CHST12: variants seen among roughly 807,000 people sequenced by gnomAD.
The protein encoded by CHST12 is carbohydrate (chondroitin 4) sulfotransferase 12.
In CHST12, 23 loss-of-function variants were observed where a neutral mutation model predicts 27.9. The observed-to-expected ratio is 0.82, with a 90% CI of 0.59 to 1.17. The LOEUF is 1.17. Among genes scored for constraint, CHST12 ranks in the 50% most tolerant of loss-of-function variants. The pLI is 0.00. For synonymous variants in CHST12, 322 were observed against 273.0 expected (o/e 1.18, Z -1.77); for missense variants, 682 against 603.0 (o/e 1.13, Z -1.37).
chr7:2,411,161 C>T (rs1245291444), intron 1 of CHST12, among the ~76,000 whole-genome samples: 1 of 152,104 alleles, frequency 6.6e-6, no homozygotes, highest in African/African-American at 2.4e-5. Flanking sequence ...TAGTTCACTG[C>T]AGCCTCAGCC....
Position 2,432,863 on chromosome 7 carries a change from G to A in CHST12, c.224G>A (p.Ser75Asn). The A allele has an allele frequency of 6.2e-7, 1 of 1,613,818 alleles. No individual in the cohort carries two copies. The highest frequency in any genetic ancestry group is 1.1e-5 in the South Asian group (1 of 91,088). Residue 75 changes from serine to asparagine, a missense_variant, in exon 2 of 2, where the codon AGT (serine) becomes AAT (asparagine). Physicochemically the swap from Ser to Asn is conservative, Grantham distance 46. Transcript: ENST00000618655. ...DVDEFLDKFL[S>N]AGVKQSDLPR... ...GACGAGTTTCTGGACAAGTTTCTCA[G>A]TGCTGGCGTGAAGCAGAGCGACCTT... is the stretch of plus-strand genomic sequence containing the variant.
chr7:2,418,890 G>T (rs1471875007), intron 1 of CHST12, among the ~76,000 whole-genome samples: 1 of 152,140 alleles, frequency 6.6e-6, no homozygotes, highest in Non-Finnish European at 1.5e-5. Flanking sequence ...TTGACCTCCT[G>T]GGTTCAAGCC....
rs369708294 is a variant in CHST12, at chr7:2,433,577, A to G, written c.938A>G (p.Glu313Gly). 7.4e-5 allele frequency: 119 copies of G among 1,613,462 alleles called. 1 individual carries two copies. In the Admixed American group the frequency reaches 9.3e-4, roughly 13 times the overall value. ...CAGTACCTGCTGGACCCGCACACGG[A>G]GAAGCTGGCGCCCTTCAACGAGCAC... ...FIQYLLDPHT[E>G]KLAPFNEHWR... is the part of the protein sequence containing the mutation. The change falls in exon 2 of 2, where the codon GAG (glutamate) becomes GGG (glycine). Residue 313 changes from glutamate (E) to glycine (G), a missense_variant. By Grantham distance (98) the Glu-to-Gly change is moderately conservative. Transcript: ENST00000618655. This position sits in a 1 kb window ranked among gnomAD's most constrained non-coding sequence, Gnocchi z 6.1.
At position 2,408,517 on chromosome 7, in the gene CHST12, C is replaced by G. The variant is rs565002187; in HGVS notation, c.-78+4844C>G. On this transcript the variant is annotated intron_variant, in intron 1 of 1. Transcript: ENST00000618655. ...GAAGGTTAGAACATGTGGAAAAAGG[C>G]AGAAGAACTAACTACAATTAAAATG... is the stretch of plus-strand genomic sequence containing the variant. 2.6e-5 allele frequency among the ~76,000 whole-genome samples: 4 copies of G among 152,180 alleles called. No individual in the cohort carries two copies. The South Asian group carries it at 8.3e-4, about 32-fold the overall frequency.
intron 1 of CHST12, among the ~76,000 whole-genome samples, chr7:2,428,270 C>T (rs1782185104): frequency 6.6e-6 from 1 of 151,138 alleles, no homozygotes; most frequent in African/African-American, 2.4e-5. Context: ...TCTCGGCTCA[C>T]TGCAAGCTCT....
intron 1 of CHST12, among the ~76,000 whole-genome samples, chr7:2,420,224 C>T (rs993970709): frequency 4.6e-5 from 7 of 152,118 alleles, no homozygotes; most frequent in Admixed American, 1.3e-4. Context: ...CTGCCCGCCT[C>T]GGCTTCCCAA....
intron 1 of CHST12, among the ~76,000 whole-genome samples, chr7:2,412,767 A>G (rs929590479): frequency 1.3e-5 from 2 of 152,238 alleles, no homozygotes; most frequent in African/African-American, 2.4e-5. Flanking sequence ...GTCTGTAGCT[A>G]CTTTTCCCAG....
rs891235835 is a variant in CHST12, at chr7:2,437,847, C to G, written c.*3963C>G. On this transcript the variant is annotated 3_prime_UTR_variant, in exon 2 of 2. Transcript: ENST00000618655. ...TCCAAGTTTGTTCCTGCAAACCCTC[C>G]GATGAGGCCAGCTGCATTCATCGGG... 1.3e-5 allele frequency: 2 copies of G among 152,242 alleles called. No homozygotes were observed. The highest frequency in any genetic ancestry group is 1.3e-4 in the Admixed American group (2 of 15,262). The allele number at this position is 152,242 out of a possible 1,614,324, so 9.4% of individuals were successfully genotyped here.
At chr7:2,411,289 G>C (rs919892590) in intron 1 of CHST12, among the ~76,000 whole-genome samples, 2 of 151,852 alleles carry the variant, frequency 1.3e-5, no homozygotes, top group Non-Finnish European at 2.9e-5. Context: ...GGTATGTTGC[G>C]CAAGCTGATC....
In CHST12 at chr7:2,445,616, G is replaced by A. The variant is rs892820453; in HGVS notation, c.*11732G>A. 1 of 152,264 alleles carries A rather than the reference G, an allele frequency of 6.6e-6. No individual in the cohort carries two copies. Among genetic ancestry groups the A allele is most frequent in the East Asian group, 1.9e-4 (1 of 5,186 alleles). 9.4% of individuals were successfully genotyped at this position (152,264 alleles called of 1,614,324 possible). On this transcript the variant is annotated 3_prime_UTR_variant, in exon 2 of 2. Coordinates refer to ENST00000618655, the MANE Select transcript of CHST12 (RefSeq NM_018641.5). ...CAGCTAATTTTTTGTATTTTTAGTA[G>A]AGATGGGGTTTTCCCATGTTGGCCA...
intron 1 of CHST12, 110 bp from the exon 2 acceptor site, chr7:2,432,453 G>A: frequency 3.1e-6 from 2 of 654,040 alleles, no homozygotes; most frequent in East Asian, 5.5e-5. Flanking sequence ...CTGATATCAC[G>A]TGGCCCAGCG....
At chr7:2,417,214 C>G (rs1026911590) in intron 1 of CHST12, among the ~76,000 whole-genome samples, 1 of 151,088 alleles carries the variant, frequency 6.6e-6, no homozygotes, top group African/African-American at 2.4e-5. Flanking sequence ...AGAGTTGATT[C>G]TCTTACTCTA....
rs1782428292 is a variant in CHST12 at position 2,434,624 on chromosome 7, G to A, written c.*740G>A. Reference sequence around the variant, plus strand: ...AAAAAAAAAAAAAAAAAATGAGTCGGGTGTGGTGGTGTGCACCTGTAGTCC... The same window carrying A: ...AAAAAAAAAAAAAAAAAATGAGTCGAGTGTGGTGGTGTGCACCTGTAGTCC... On this transcript the variant is annotated 3_prime_UTR_variant, in exon 2 of 2. Coordinates refer to ENST00000618655, the MANE Select transcript of CHST12 (RefSeq NM_018641.5). 8.1e-6 allele frequency: 1 copy of A among 124,188 alleles called. No homozygotes were observed. Among genetic ancestry groups the A allele is most frequent in the South Asian group, 2.4e-4 (1 of 4,110 alleles). The allele number at this position is 124,188 out of a possible 1,614,324, so 7.7% of individuals were successfully genotyped here. A position where few individuals can be genotyped will look rare whatever the true frequency, so the allele number is the denominator to read the frequency against.
At chr7:2,420,062 C>T (rs1781926383) in intron 1 of CHST12, among the ~76,000 whole-genome samples, 1 of 145,932 alleles carries the variant, frequency 6.9e-6, no homozygotes, top group Non-Finnish European at 1.5e-5. Context: ...TAAGCTCTGC[C>T]TCCCGGGTTC....
chr7:2,417,771 G>T (rs981701772), intron 1 of CHST12, among the ~76,000 whole-genome samples: 8 of 152,130 alleles, frequency 5.3e-5, no homozygotes, highest in Non-Finnish European at 1.2e-4. Context: ...CGATATCTCA[G>T]TTCACCCATT....
At chr7:2,413,723 CTTTTTTTTTTT>C (rs1198072520) in intron 1 of CHST12, among the ~76,000 whole-genome samples, 2 of 104,104 alleles carry the variant, frequency 1.9e-5, no homozygotes, top group African/African-American at 3.8e-5. Context: ...CAGGTTTTAG[CTTTTTTTTTTT>C]TTTTTTTTTT....
intron 1 of CHST12, among the ~76,000 whole-genome samples, chr7:2,432,237 C>T (rs577371691): frequency 1.4e-5 from 2 of 146,146 alleles, no homozygotes; most frequent in African/African-American, 5.0e-5. Flanking sequence ...TGGAGCTGGT[C>T]TCCACTCCCT....
intron 1 of CHST12, among the ~76,000 whole-genome samples, chr7:2,427,007 G>A (rs1244194810): frequency 1.3e-5 from 2 of 149,372 alleles, no homozygotes; most frequent in African/African-American, 5.0e-5. Context: ...GAAAAAGAGA[G>A]AGAGAGAGAG....
At chr7:2,416,142 C>T (rs946915242) in intron 1 of CHST12, among the ~76,000 whole-genome samples, 1 of 152,210 alleles carries the variant, frequency 6.6e-6, no homozygotes, top group Non-Finnish European at 1.5e-5. Context: ...CATCTTTACC[C>T]AGAGTAGATT....
Sources: allele counts gnomAD v4.1 joint callset (sites outside exome capture counted in the v4.1 genomes callset), GRCh38; gene constraint gnomAD v4.1.1; non-coding constraint Gnocchi (gnomAD v3.1); transcripts MANE v1.5; gene names NCBI Gene and HGNC (gene_info 2026-07-23, HGNC 2026-07-21).